NELL2: variants seen among roughly 807,000 people sequenced by gnomAD.
NELL2 encodes neural EGFL like 2, also known as protein kinase C-binding protein NELL2.
In NELL2, 41 loss-of-function variants were observed where a neutral mutation model predicts 109.6. The observed-to-expected ratio is 0.37, with a 90% CI of 0.29 to 0.49. The LOEUF is 0.49. Among genes scored for constraint, NELL2 ranks in the 20% least tolerant of loss-of-function variants. The probability of loss-of-function intolerance (pLI) is 0.98; values close to 1 mark genes in which losing one functional copy is unlikely to be tolerated. For synonymous variants in NELL2, 355 were observed against 344.7 expected (o/e 1.03, Z -0.33); for missense variants, 900 against 1,008.3 (o/e 0.89, Z 1.45).
intron 12 of NELL2, among the ~76,000 whole-genome samples, chr12:44,691,458 C>G (rs1948897632): frequency 6.6e-6 from 1 of 152,232 alleles, no homozygotes; most frequent in East Asian, 1.9e-4. Context: ...GCCCCCTTTC[C>G]TCAGTCCACG....
At chr12:44,527,949 C>T (rs909483325) in intron 16 of NELL2, among the ~76,000 whole-genome samples, 4 of 151,458 alleles carry the variant, frequency 2.6e-5, no homozygotes, top group Admixed American at 2.0e-4. Context: ...AAAAAATTAG[C>T]CCGGCGTGGT....
intron 9 of NELL2, among the ~76,000 whole-genome samples, chr12:44,755,617 G>C (rs1343224877): frequency 2.6e-5 from 4 of 152,034 alleles, no homozygotes; most frequent in Admixed American, 2.6e-4. Context: ...CTCTCAATCA[G>C]ACCTTTTACT....
At chr12:44,673,153 T>G (rs1436997892) in intron 12 of NELL2, among the ~76,000 whole-genome samples, 1 of 152,178 alleles carries the variant, frequency 6.6e-6, no homozygotes, top group African/African-American at 2.4e-5. Context: ...ACGCCCTGTC[T>G]GCAGAGGAAG....
In NELL2 at chr12:44,822,017, C is replaced by T. The variant is rs74754895; in HGVS notation, c.185-5881G>A. ...CTGGCTGCAAGTGATCTGCCCGCCT[C>T]GGCCTCCCAAATTTCTGGGATTACA... On this transcript the variant is annotated intron_variant, in intron 2 of 19. Transcript: ENST00000429094. Among the ~76,000 whole-genome samples, 858 of 151,954 alleles carry T rather than the reference C, an allele frequency of 5.6e-3. 3 individuals are homozygous for T. Among genetic ancestry groups the T allele is most frequent in the Non-Finnish European group, 7.4e-3 (501 of 67,996 alleles).
At chr12:44,744,433 C>A (rs1247561369) in intron 9 of NELL2, among the ~76,000 whole-genome samples, 3 of 151,916 alleles carry the variant, frequency 2.0e-5, no homozygotes, top group African/African-American at 7.3e-5. Context: ...TAGCAGAAGG[C>A]AAGAAATAAC....
upstream of NELL2, among the ~76,000 whole-genome samples, chr12:44,914,413 C>T (rs532055572): frequency 2.0e-5 from 3 of 152,264 alleles, no homozygotes; most frequent in South Asian, 6.2e-4. Context: ...TAGCTCACTC[C>T]CTTACCTTCT....
chr12:44,804,768 T>C (rs1942944650), intron 3 of NELL2, among the ~76,000 whole-genome samples: 1 of 151,820 alleles, frequency 6.6e-6, no homozygotes. Flanking sequence ...AACATTAAAA[T>C]ATCAGTGCAT....
Position 44,743,429 on chromosome 12 carries a change from A to T in NELL2, c.995-28688T>A, listed in dbSNP as rs1425883034. Among the ~76,000 whole-genome samples the T allele has an allele frequency of 2.6e-5, 4 of 152,220 alleles. No individual in the cohort carries two copies. The South Asian group carries it at 8.3e-4, about 32-fold the overall frequency. On this transcript the variant is annotated intron_variant, in intron 9 of 19. Coordinates refer to ENST00000429094, the MANE Select transcript of NELL2 (RefSeq NM_001145108.2). Reference sequence around the variant, plus strand: ...AATAACCAGCTAACATCATAATGACAGGATCAAATTCACACATAACAATAT... The same window carrying T: ...AATAACCAGCTAACATCATAATGACTGGATCAAATTCACACATAACAATAT...
chr12:44,739,452 C>A (rs954997732), intron 9 of NELL2, among the ~76,000 whole-genome samples: 4 of 152,164 alleles, frequency 2.6e-5, no homozygotes, highest in African/African-American at 9.7e-5. Context: ...AACTATGACC[C>A]AGAAGCCAAA....
intron 15 of NELL2, among the ~76,000 whole-genome samples, chr12:44,537,260 A>G (rs1274546502): frequency 6.6e-6 from 1 of 152,116 alleles, no homozygotes; most frequent in Admixed American, 6.6e-5. Flanking sequence ...TTGTAGAATG[A>G]GACACTTGAG....
At chr12:44,823,402 T>C in intron 2 of NELL2, among the ~76,000 whole-genome samples, 1 of 152,160 alleles carries the variant, frequency 6.6e-6, no homozygotes, top group East Asian at 1.9e-4. Context: ...ATTTTCCCCA[T>C]CTCCTAGCCC....
intron 3 of NELL2, among the ~76,000 whole-genome samples, chr12:44,806,240 T>C (rs1942995339): frequency 6.6e-6 from 1 of 151,872 alleles, no homozygotes; most frequent in African/African-American, 2.4e-5. Flanking sequence ...AGGCAATTTA[T>C]AAAAGAAGAT....
chr12:44,857,004 A>G (rs1321476105), intron 2 of NELL2, among the ~76,000 whole-genome samples: 3 of 152,206 alleles, frequency 2.0e-5, no homozygotes, highest in Non-Finnish European at 4.4e-5. Context: ...AGAAGTGATC[A>G]GATTACTTTA....
chr12:44,517,388 TCTCTCTCTCTC>T (rs1941322473), intron 19 of NELL2, among the ~76,000 whole-genome samples: 2 of 144,812 alleles, frequency 1.4e-5, no homozygotes, highest in Non-Finnish European at 3.0e-5. Flanking sequence ...TCTCTCTCTC[TCTCTCTCTCTC>T]TCTCTCTCTC....
chr12:44,625,882 C>G (rs1383536190), intron 13 of NELL2, among the ~76,000 whole-genome samples: 2 of 152,032 alleles, frequency 1.3e-5, no homozygotes, highest in African/African-American at 4.8e-5. Context: ...CGCCAGCACA[C>G]AAGCAGTTAG....
intron 11 of NELL2, among the ~76,000 whole-genome samples, chr12:44,710,878 T>G (rs954620002): frequency 2.0e-5 from 3 of 152,088 alleles, no homozygotes; most frequent in Admixed American, 2.0e-4. Context: ...ATGAAAAATA[T>G]TCTAGGTAAG....
chr12:44,531,459 C>G (rs1448308990), intron 16 of NELL2, among the ~76,000 whole-genome samples: 2 of 152,124 alleles, frequency 1.3e-5, no homozygotes, highest in African/African-American at 4.8e-5. Flanking sequence ...AGATAAAGCC[C>G]TTAGACCATA....
intron 19 of NELL2, among the ~76,000 whole-genome samples, chr12:44,517,921 T>C (rs1304867431): frequency 6.6e-6 from 1 of 152,158 alleles, no homozygotes; most frequent in African/African-American, 2.4e-5. Flanking sequence ...TTCAAAGCAC[T>C]AAATTGTGAA....
chr12:44,614,286 T>C (rs1263431808), intron 13 of NELL2, among the ~76,000 whole-genome samples: 1 of 151,972 alleles, frequency 6.6e-6, no homozygotes, highest in Non-Finnish European at 1.5e-5. Context: ...TAATTATTCG[T>C]TGTGTCTATG....
Sources: gnomAD v4.1 joint callset for allele counts (sites outside exome capture counted in the v4.1 genomes callset) on GRCh38, gnomAD v4.1.1 for gene constraint, MANE v1.5 for transcripts, NCBI Gene and HGNC (gene_info 2026-07-23, HGNC 2026-07-21) for gene names.